The following CDH8 variants were observed in gnomAD, a reference collection of about 807,000 sequenced individuals.
CDH8 encodes the protein cadherin 8, also known as cadherin-8.
In CDH8, 17 loss-of-function variants were observed where a neutral mutation model predicts 68.1. The observed-to-expected ratio is 0.25, with a 90% CI of 0.17 to 0.37. The LOEUF is 0.37. Among genes scored for constraint, CDH8 ranks in the 10% least tolerant of loss-of-function variants. The pLI, the probability that CDH8 is intolerant of heterozygous loss-of-function variation, is 1.00. For synonymous variants in CDH8, 372 were observed against 365.1 expected (o/e 1.02, Z -0.21); for missense variants, 763 against 999.3 (o/e 0.76, Z 3.19).
chr16:61,762,033 T>C (rs1960483623), intron 8 of CDH8, among the ~76,000 whole-genome samples: 1 of 151,964 alleles, frequency 6.6e-6, no homozygotes. Context: ...GATAAAATTA[T>C]AAAAATTGAA....
At chr16:61,693,408 C>T (rs1964270441) in intron 10 of CDH8, 1 of 151,944 alleles carries the variant, frequency 6.6e-6, no homozygotes, top group South Asian at 2.1e-4. Flanking sequence ...GTAAATGTGA[C>T]AGAGAAGATA....
At chr16:61,873,810 C>T (rs1019572756) in intron 3 of CDH8, among the ~76,000 whole-genome samples, 7 of 152,146 alleles carry the variant, frequency 4.6e-5, no homozygotes, top group African/African-American at 1.7e-4. Context: ...AATCCCAGCA[C>T]TTTGCGAAGC....
intron 7 of CDH8, among the ~76,000 whole-genome samples, chr16:61,797,982 T>G (rs1259422396): frequency 6.6e-6 from 1 of 151,934 alleles, no homozygotes; most frequent in Admixed American, 6.6e-5. Context: ...AATAACATAA[T>G]AAAACCATAA....
intron 10 of CDH8, chr16:61,693,738 T>G (rs1436235906): frequency 6.6e-6 from 1 of 152,162 alleles, no homozygotes; most frequent in African/African-American, 2.4e-5. Flanking sequence ...TGAGGTATGA[T>G]GCAAGAAAGT....
At chr16:61,676,145 C>CAAAAAAAAAAAAAAA (rs60364173) in intron 10 of CDH8, among the ~76,000 whole-genome samples, 1 of 131,126 alleles carries the variant, frequency 7.6e-6, no homozygotes. Context: ...CACACACACT[C>CAAAAAAAAAAAAAAA]AAAAAAAAAA....
At chr16:61,685,453 C>T (rs1435443676) in intron 10 of CDH8, among the ~76,000 whole-genome samples, 1 of 151,902 alleles carries the variant, frequency 6.6e-6, no homozygotes, top group Non-Finnish European at 1.5e-5. Context: ...AGAGAGGAAA[C>T]AGCACTTTCA....
intron 10 of CDH8, among the ~76,000 whole-genome samples, chr16:61,661,372 G>C (rs886093295): frequency 4.6e-5 from 7 of 151,836 alleles, no homozygotes; most frequent in African/African-American, 1.7e-4. Context: ...ATACATGATA[G>C]AATGATAGAA....
rs916227582 is a variant in CDH8 at position 61,648,850 on chromosome 16, A to T, written c.*4758T>A. ...TCCATAACGCTAGGTCTGTGCTCAA[A>T]ATACTAGGACTAGAATATCTTCAAT... On this transcript the variant is annotated 3_prime_UTR_variant, in exon 12 of 12. Transcript: ENST00000577390. 1 of 151,930 alleles carries T rather than the reference A, an allele frequency of 6.6e-6. No homozygotes were observed. The highest frequency in any genetic ancestry group is 1.5e-5 in the Non-Finnish European group (1 of 67,938). 9.4% of individuals were successfully genotyped at this position (151,930 alleles called of 1,614,324 possible).
At chr16:61,948,299 T>A (rs186640651) in intron 2 of CDH8, among the ~76,000 whole-genome samples, 1 of 152,264 alleles carries the variant, frequency 6.6e-6, no homozygotes, top group East Asian at 1.9e-4. Context: ...TCGGGTATAT[T>A]TTAAAAAATA....
chr16:61,665,881 T>A (rs113311183), intron 10 of CDH8, among the ~76,000 whole-genome samples: 3 of 150,056 alleles, frequency 2.0e-5, no homozygotes, highest in African/African-American at 7.3e-5. Context: ...TCCTTTCTTT[T>A]ATTTCTTTCA....
chr16:61,995,837 T>C lies in CDH8; in HGVS notation c.252+25315A>G, dbSNP rs1327611451. Among the ~76,000 whole-genome samples, 4 of 152,262 alleles carry C rather than the reference T, an allele frequency of 2.6e-5. No individual in the cohort carries two copies. The East Asian group carries it at 5.8e-4, about 22-fold the overall frequency. ...TTTTATTAAAAGGATGAAGGAAAAA[T>C]TGCTTTCAACTTCACAAGCTTACAT... On this transcript the variant is annotated intron_variant, in intron 2 of 11. Transcript: ENST00000577390.
intron 2 of CDH8, among the ~76,000 whole-genome samples, chr16:61,936,044 T>A (rs1964622332): frequency 6.6e-6 from 1 of 152,278 alleles, no homozygotes; most frequent in South Asian, 2.1e-4. Context: ...GTTAAGTAAC[T>A]TGTCAGTAAA....
At chr16:61,828,415 C>A (rs536884609) in intron 4 of CDH8, among the ~76,000 whole-genome samples, 90 of 151,988 alleles carry the variant, frequency 5.9e-4, no homozygotes, top group Non-Finnish European at 7.4e-4. Context: ...TACAGACTTG[C>A]CCTGACTTCT....
intron 6 of CDH8, among the ~76,000 whole-genome samples, chr16:61,818,538 A>G (rs185400922): frequency 6.6e-6 from 1 of 152,290 alleles, no homozygotes; most frequent in Non-Finnish European, 1.5e-5. Context: ...TACTGACAAT[A>G]TTTCTGACAT....
chr16:62,023,426 C>A (rs1321487913), intron 1 of CDH8, among the ~76,000 whole-genome samples: 1 of 152,116 alleles, frequency 6.6e-6, no homozygotes, highest in Non-Finnish European at 1.5e-5. Context: ...TCAGTCTTTT[C>A]TTCTGCAAAG....
chr16:61,988,210 TAA>T (rs1426829595), intron 2 of CDH8, among the ~76,000 whole-genome samples: 1 of 145,440 alleles, frequency 6.9e-6, no homozygotes. Flanking sequence ...AGTTATATTT[TAA>T]AAAATAACAA....
chr16:61,996,115 G>A (rs758137338), intron 2 of CDH8, among the ~76,000 whole-genome samples: 2 of 152,138 alleles, frequency 1.3e-5, no homozygotes, highest in African/African-American at 2.4e-5. Context: ...AAAACTCAAG[G>A]CCAGTGGAAA....
chr16:61,900,687 T>G (rs879815922), intron 3 of CDH8, among the ~76,000 whole-genome samples: 1 of 152,140 alleles, frequency 6.6e-6, no homozygotes, highest in Non-Finnish European at 1.5e-5. Flanking sequence ...CAGAGGCCCT[T>G]GGTAATGTCG....
intron 10 of CDH8, among the ~76,000 whole-genome samples, chr16:61,669,895 C>T (rs1280457414): frequency 6.6e-6 from 1 of 152,052 alleles, no homozygotes; most frequent in African/African-American, 2.4e-5. Context: ...TCTCTAACCT[C>T]TTTACAAACT....
Sources: gnomAD v4.1 joint callset for allele counts (sites outside exome capture counted in the v4.1 genomes callset) on GRCh38, gnomAD v4.1.1 for gene constraint, MANE v1.5 for transcripts, NCBI Gene and HGNC (gene_info 2026-07-23, HGNC 2026-07-21) for gene names.